BIN2: variants seen among roughly 807,000 people sequenced by gnomAD.
The protein encoded by BIN2 is breast cancer associated protein BRAP1.
Under a neutral mutation model 67.9 loss-of-function variants are expected in BIN2, and 43 were observed. The observed-to-expected ratio is 0.63, with a 90% CI of 0.50 to 0.82. BIN2 has a LOEUF of 0.82. BIN2 is among the 40% of genes least tolerant of loss of function. BIN2 has a pLI of 0.00. For missense variants in BIN2, 581 were observed against 671.6 expected (o/e 0.87, Z 1.49); for synonymous variants, 244 against 246.8 (o/e 0.99, Z 0.11).
intron 1 of BIN2, 65 bp downstream of exon 1, chr12:51,323,957 G>C: frequency 1.9e-6 from 3 of 1,586,572 alleles, no homozygotes; most frequent in Non-Finnish European, 2.6e-6. Context: ...CCTCCTGCCC[G>C]GCCGGGCTCG....
chr12:51,312,848 CACTCAGCTACTGA>C (rs1946027210), intron 2 of BIN2, among the ~76,000 whole-genome samples: 1 of 152,194 alleles, frequency 6.6e-6, no homozygotes, highest in Non-Finnish European at 1.5e-5. Flanking sequence ...TTCTGATATA[CACTCAGCTACTGA>C]ATTAGATGAT....
chr12:51,316,071 C>G (rs1388606592), intron 1 of BIN2, among the ~76,000 whole-genome samples: 1 of 152,220 alleles, frequency 6.6e-6, no homozygotes, highest in Non-Finnish European at 1.5e-5. Context: ...CCTGGTCTCA[C>G]TGCCACAGCC....
rs7954976 is a variant in BIN2, at chr12:51,288,119, T to C, written c.1585A>G (p.Asn529Asp). ...TAGGCTTTTAGTACCTCCGAGGAGT[T>C]AGCTGAGATAAGCTTATTATCCTTT... Reference protein sequence around the residue: ...KEKDNKLISANSSEGQDQLQV... With the variant: ...KEKDNKLISADSSEGQDQLQV... The change falls in exon 11 of 13, where the codon AAC becomes GAC. Residue 529 changes from asparagine (N) to aspartate (D), a missense_variant. Physicochemically the swap from Asn to Asp is conservative, Grantham distance 23. Coordinates refer to ENST00000615107, the MANE Select transcript of BIN2 (RefSeq NM_016293.4). 0.89 allele frequency: 1,429,458 copies of C among 1,612,056 alleles called. 637,093 individuals carry two copies. Among genetic ancestry groups the C allele is most frequent in the East Asian group, 0.94 (42,257 of 44,870 alleles).
intron 2 of BIN2, among the ~76,000 whole-genome samples, chr12:51,311,097 C>CT (rs202234779): frequency 0.11 from 13,723 of 130,476 alleles, 1,375 homozygotes; most frequent in East Asian, 0.29. Flanking sequence ...TATGTAGGGG[C>CT]TTTTTTTTTT....
chr12:51,309,844 C>T lies in BIN2; in HGVS notation c.162+3979G>A, dbSNP rs1430981174. ...CTTCTTCTCTTACCTTTTCTACCTA[C>T]ACATCTGCTCTTAGAGAGAGGACAA... On this transcript the variant is annotated intron_variant, in intron 2 of 12. Transcript: ENST00000615107. Among the ~76,000 whole-genome samples, 6 of 152,314 alleles carry T rather than the reference C, an allele frequency of 3.9e-5. No individual in the cohort carries two copies. The East Asian group carries it at 9.6e-4, about 24-fold the overall frequency.
chr12:51,294,090 C>T (rs903401966), intron 9 of BIN2, among the ~76,000 whole-genome samples: 1 of 152,046 alleles, frequency 6.6e-6, no homozygotes, highest in Non-Finnish European at 1.5e-5. Flanking sequence ...AACTCAAATG[C>T]CCCAAACTAG....
intron 11 of BIN2, 84 bp downstream of exon 11, chr12:51,288,024 G>T: frequency 1.0e-6 from 1 of 985,082 alleles, no homozygotes; most frequent in Non-Finnish European, 1.6e-6. Flanking sequence ...GCCTCTGAAA[G>T]ATATACTTCT....
At chr12:51,292,949 A>T (rs2137363783) in intron 9 of BIN2, among the ~76,000 whole-genome samples, 1 of 152,278 alleles carries the variant, frequency 6.6e-6, no homozygotes, top group South Asian at 2.1e-4. Flanking sequence ...TTCCAGAGAA[A>T]ATACATGTAT....
intron 9 of BIN2, among the ~76,000 whole-genome samples, chr12:51,295,343 T>C (rs948162642): frequency 1.4e-4 from 21 of 145,724 alleles, no homozygotes; most frequent in Non-Finnish European, 2.1e-4. Context: ...GGTCAGGAGA[T>C]TGAGACCATC....
intron 1 of BIN2, among the ~76,000 whole-genome samples, chr12:51,321,286 C>A (rs1373327828): frequency 6.6e-6 from 1 of 152,106 alleles, no homozygotes; most frequent in African/African-American, 2.4e-5. Context: ...CTCTTTTGAG[C>A]CTTGTTTCCT....
intron 10 of BIN2, among the ~76,000 whole-genome samples, chr12:51,290,401 T>A (rs1945351289): frequency 1.3e-5 from 2 of 151,676 alleles, no homozygotes; most frequent in South Asian, 4.2e-4. Flanking sequence ...AGTGCTGGAA[T>A]TACAGGTGTG....
chr12:51,310,745 G>A (rs952011700), intron 2 of BIN2, among the ~76,000 whole-genome samples: 5 of 152,010 alleles, frequency 3.3e-5, no homozygotes, highest in African/African-American at 7.2e-5. Context: ...AATCATAATC[G>A]TTTTGTTTAT....
chr12:51,295,576 AAATATATATATATATATATATATATAT>A (rs1420053437), intron 9 of BIN2, among the ~76,000 whole-genome samples, 193 bp downstream of exon 9: 241 of 18,402 alleles, frequency 0.013, 27 homozygotes, highest in African/African-American at 0.03. Context: ...AAAAAAAAAA[AAATATATATATATATATATATATATAT>A]ATATATATAT....
chr12:51,321,399 TTTGTC>T (rs948976730), intron 1 of BIN2, among the ~76,000 whole-genome samples: 168 of 152,178 alleles, frequency 1.1e-3, no homozygotes, highest in Non-Finnish European at 9.4e-4. Context: ...AGAGAATCAC[TTTGTC>T]TTTTTTTTTT....
At chr12:51,317,951 G>A (rs1178439562) in intron 1 of BIN2, among the ~76,000 whole-genome samples, 1 of 152,108 alleles carries the variant, frequency 6.6e-6, no homozygotes, top group Non-Finnish European at 1.5e-5. Flanking sequence ...TAGCGCCACC[G>A]CAGTCCGGCC....
chr12:51,312,997 C>T (rs532565893), intron 2 of BIN2, among the ~76,000 whole-genome samples: 2 of 152,102 alleles, frequency 1.3e-5, no homozygotes, highest in Non-Finnish European at 2.9e-5. Flanking sequence ...CTTCGGGAGG[C>T]CAAGGTGGGT....
chr12:51,294,357 A>C (rs1030905955), intron 9 of BIN2, among the ~76,000 whole-genome samples: 7 of 152,204 alleles, frequency 4.6e-5, no homozygotes, highest in African/African-American at 1.7e-4. Context: ...TCACGAGGTC[A>C]GAAGTTCAAG....
chr12:51,311,772 A>AT (rs146519794), intron 2 of BIN2, among the ~76,000 whole-genome samples: 138 of 151,308 alleles, frequency 9.1e-4, no homozygotes, highest in East Asian at 3.3e-3. Flanking sequence ...ATTGATAATG[A>AT]ATTTTTTTTT....
chr12:51,319,794 A>G (rs1475169257), intron 1 of BIN2, among the ~76,000 whole-genome samples: 6 of 152,152 alleles, frequency 3.9e-5, no homozygotes, highest in African/African-American at 1.4e-4. Context: ...TTTGGTGGCT[A>G]TAGTTCCCTA....
Sources: allele counts gnomAD v4.1 joint callset (sites outside exome capture counted in the v4.1 genomes callset), GRCh38; gene constraint gnomAD v4.1.1; transcripts MANE v1.5; gene names NCBI Gene and HGNC (gene_info 2026-07-23, HGNC 2026-07-21).